Variants in CCDC93 observed in about 807,000 individuals in gnomAD.
The protein encoded by CCDC93 is CCC complex scaffolding subunit CCDC93.
A neutral mutation model predicts 108.2 loss-of-function variants in CCDC93; 61 were observed. The ratio of observed to expected loss-of-function variants is 0.56; its 90% CI spans 0.46 to 0.70. The LOEUF is 0.70. Among genes scored for constraint, CCDC93 ranks in the 30% least tolerant of loss-of-function variants. The pLI is 0.00. For synonymous variants in CCDC93, 276 were observed against 260.4 expected, an observed-to-expected ratio of 1.06 and a Z score of -0.58; for missense variants, 685 against 764.2, an observed-to-expected ratio of 0.90 and a Z score of 1.22.
At position 117,981,425 on chromosome 2, in the gene CCDC93, C is replaced by T. The variant is rs562258816; in HGVS notation, c.621-3395G>A. Among the ~76,000 whole-genome samples the T allele has an allele frequency of 7.4e-4, 113 of 152,314 alleles. 1 individual carries two copies. The South Asian group carries it at 8.1e-3, about 11-fold the overall frequency. ...CTTTTCCTGTCAGCCCTGCCCGTTT[C>T]CCCCAAGTGACAGCTCTGATCCGCA... On this transcript the variant is annotated intron_variant, in intron 7 of 23. Transcript: ENST00000376300.
At chr2:118,004,087 T>C (rs551531509) in intron 3 of CCDC93, among the ~76,000 whole-genome samples, 32 of 152,324 alleles carry the variant, frequency 2.1e-4, no homozygotes, top group Middle Eastern at 3.4e-3. Context: ...AGACAGTGAA[T>C]TAAACCTGGG....
At chr2:117,961,740 T>C (rs780010891) in intron 11 of CCDC93, among the ~76,000 whole-genome samples, 1 of 152,162 alleles carries the variant, frequency 6.6e-6, no homozygotes, top group Non-Finnish European at 1.5e-5. Flanking sequence ...TTTTGAATGA[T>C]GAGACAAAGT....
intron 13 of CCDC93, chr2:117,951,105 T>C: frequency 1.0e-6 from 1 of 979,674 alleles, no homozygotes; most frequent in Non-Finnish European, 1.2e-6. Context: ...CTAAGGCATA[T>C]AAATGTCTTA....
intron 12 of CCDC93, among the ~76,000 whole-genome samples, 197 bp from the exon 13 acceptor site, chr2:117,952,632 C>G (rs954454759): frequency 1.3e-5 from 2 of 152,128 alleles, no homozygotes; most frequent in African/African-American, 4.8e-5. Context: ...AGCTGATGTA[C>G]TAGGAATTTT....
At chr2:117,931,731 T>A (rs191097987) in intron 22 of CCDC93, 58 of 152,380 alleles carry the variant, frequency 3.8e-4, no homozygotes, top group Admixed American at 3.8e-3. Flanking sequence ...TTAAAAACAA[T>A]ACAATATTCC....
chr2:117,915,664 C>A lies in CCDC93; in HGVS notation c.*4679G>T, dbSNP rs1462373922. On this transcript the variant is annotated 3_prime_UTR_variant, in exon 24 of 24. Transcript: ENST00000376300. ...GGTGTACATTGAAAAGTCATTCCCA[C>A]CCCTCTTCCCAGAGGCAATTCAGGC... The A allele has an allele frequency of 6.6e-6, 1 of 152,208 alleles. No individual in the cohort carries two copies. The highest frequency in any genetic ancestry group is 1.9e-4 in the East Asian group (1 of 5,198). 9.4% of individuals were successfully genotyped at this position (152,208 alleles called of 1,614,324 possible).
At chr2:117,945,709 C>G in intron 16 of CCDC93, 127 bp from the exon 17 acceptor site, 2 of 728,938 alleles carry the variant, frequency 2.7e-6, no homozygotes, top group Middle Eastern at 2.5e-4. Context: ...GTGTTGATGT[C>G]CCCCGAGCAT....
At chr2:117,978,513 T>TA (rs747706731) in intron 7 of CCDC93, among the ~76,000 whole-genome samples, 46 of 152,014 alleles carry the variant, frequency 3.0e-4, no homozygotes, top group South Asian at 6.2e-4. Context: ...AACCTTAAAT[T>TA]AAAAAAAACA....
Position 118,008,550 on chromosome 2 carries a change from C to CCAGCATTCCATTATACTTTT in CCDC93, c.150_151insAAAAGTATAATGGAATGCTG (p.Asp51LysfsTer10). 6.3e-7 allele frequency: 1 copy of CCAGCATTCCATTATACTTTT among 1,579,420 alleles called. No individual in the cohort carries two copies. The highest frequency in any genetic ancestry group is 8.7e-7 in the Non-Finnish European group (1 of 1,149,692). On this transcript the variant is annotated frameshift_variant, in exon 2 of 24. Coordinates refer to ENST00000376300, the MANE Select transcript of CCDC93 (RefSeq NM_019044.5). LOFTEE classifies it high-confidence loss of function. ...TTAGAAAGATTTCCCCTTACCTTGT[C>CCAGCATTCCATTATACTTTT]AAAGGGTGATAAGCCTTTAATTCTT... is the stretch of plus-strand genomic sequence containing the variant.
intron 4 of CCDC93, 77 bp downstream of exon 4, chr2:118,000,744 A>G: frequency 3.4e-6 from 3 of 877,664 alleles, no homozygotes; most frequent in Non-Finnish European, 5.7e-6. Context: ...GGACAGACGG[A>G]CCCATTACAG....
chr2:117,941,362 G>T, intron 18 of CCDC93, 65 bp from the exon 19 acceptor site: 2 of 1,317,026 alleles, frequency 1.5e-6, no homozygotes, highest in Non-Finnish European at 2.2e-6. Flanking sequence ...TCTCTAGGGA[G>T]CCAAAATATT....
At chr2:117,985,436 T>TA in intron 7 of CCDC93, 1 of 978,072 alleles carries the variant, frequency 1.0e-6, no homozygotes, top group African/African-American at 1.7e-5. Flanking sequence ...CATAAAAGGT[T>TA]AATACCCAGT....
chr2:117,973,814 A>C, intron 11 of CCDC93, 94 bp downstream of exon 11: 1 of 917,330 alleles, frequency 1.1e-6, no homozygotes, highest in Non-Finnish European at 1.7e-6. Context: ...ACAAGAGAAC[A>C]CGGGGCACTG....
rs564944285 is a variant in CCDC93, at chr2:118,014,048, G to T, written c.-53C>A. 5 of 1,573,612 alleles carry T rather than the reference G, an allele frequency of 3.2e-6. No individual in the cohort carries two copies. The highest frequency in any genetic ancestry group is 4.3e-6 in the Non-Finnish European group (5 of 1,160,416). On this transcript the variant is annotated 5_prime_UTR_variant, in exon 1 of 24. Transcript: ENST00000376300. ...AGCGAAGCCCGCCAAGCGTCCGGAG[G>T]AAGCTGTCCCTGCCGCGGAGCTGCT... is the stretch of plus-strand genomic sequence containing the variant.
chr2:117,977,806 G>A (rs1421230358), intron 8 of CCDC93, among the ~76,000 whole-genome samples, 188 bp downstream of exon 8: 2 of 152,164 alleles, frequency 1.3e-5, no homozygotes, highest in Non-Finnish European at 2.9e-5. Context: ...GGAGACTGCT[G>A]CTTTGCTCCC....
intron 7 of CCDC93, among the ~76,000 whole-genome samples, chr2:117,979,644 A>G (rs555179770): frequency 6.6e-6 from 1 of 152,360 alleles, no homozygotes; most frequent in South Asian, 2.1e-4. Context: ...AGATTGTCAT[A>G]TAACTGGGGA....
chr2:117,988,081 C>G (rs138238737), intron 6 of CCDC93, among the ~76,000 whole-genome samples: 50 of 151,778 alleles, frequency 3.3e-4, no homozygotes, highest in African/African-American at 1.2e-3. Flanking sequence ...TTTCATCACC[C>G]TTTATCTAGG....
intron 6 of CCDC93, among the ~76,000 whole-genome samples, chr2:117,993,162 C>T (rs921353911): frequency 2.0e-5 from 3 of 152,008 alleles, no homozygotes; most frequent in Non-Finnish European, 2.9e-5. Flanking sequence ...TTTGGGAGGC[C>T]GAGGTGGGCG....
At chr2:117,991,822 G>A (rs1270847243) in intron 6 of CCDC93, among the ~76,000 whole-genome samples, 1 of 152,148 alleles carries the variant, frequency 6.6e-6, no homozygotes, top group Non-Finnish European at 1.5e-5. Context: ...TATTAAAGGA[G>A]GGATTTTCCT....
Sources: gnomAD v4.1 joint callset for allele counts (sites outside exome capture counted in the v4.1 genomes callset) on GRCh38, gnomAD v4.1.1 for gene constraint, MANE v1.5 for transcripts, NCBI Gene and HGNC (gene_info 2026-07-23, HGNC 2026-07-21) for gene names.